The following FAM76A variants were observed in gnomAD, a reference collection of about 807,000 sequenced individuals.
The protein encoded by FAM76A is protein FAM76A.
A neutral mutation model predicts 46.2 loss-of-function variants in FAM76A; 32 were observed. The ratio of observed to expected loss-of-function variants is 0.69; its 90% confidence interval spans 0.52 to 0.93. The LOEUF is 0.93. Among genes scored for constraint, FAM76A ranks in the 40% least tolerant of loss-of-function variants. FAM76A has a pLI of 0.00. For synonymous variants in FAM76A, 137 were observed against 127.0 expected (o/e 1.08, Z -0.53); for missense variants, 274 against 361.5 (o/e 0.76, Z 1.96).
chr1:27,737,601 C>T (rs2088071674), intron 4 of FAM76A, among the ~76,000 whole-genome samples: 1 of 151,966 alleles, frequency 6.6e-6, no homozygotes, highest in African/African-American at 2.4e-5. Context: ...GCTGTAATCC[C>T]AGCACTTTGG....
At chr1:27,759,765 GGTTTTTTTTTTTT>G in intron 8 of FAM76A, 138 bp downstream of exon 8, 1 of 611,770 alleles carries the variant, frequency 1.6e-6, no homozygotes, top group South Asian at 2.2e-5. Context: ...CCCCCTTTTA[GGTTTTTTTTTTTT>G]GTTTTTTTTT....
At chr1:27,751,870 T>C (rs1383872872) in intron 6 of FAM76A, among the ~76,000 whole-genome samples, 1 of 140,150 alleles carries the variant, frequency 7.1e-6, no homozygotes, top group Non-Finnish European at 1.6e-5. Context: ...GTGGCGCAAT[T>C]ATGGCTCACT....
At chr1:27,750,731 A>G (rs951290483) in intron 6 of FAM76A, among the ~76,000 whole-genome samples, 5 of 152,184 alleles carry the variant, frequency 3.3e-5, no homozygotes, top group African/African-American at 1.2e-4. Context: ...GTCCATTGCT[A>G]TGGATACACC....
intron 7 of FAM76A, among the ~76,000 whole-genome samples, chr1:27,757,941 C>T (rs1394467829): frequency 2.7e-5 from 4 of 150,798 alleles, no homozygotes; most frequent in African/African-American, 9.8e-5. Context: ...CGTGCCACTG[C>T]ACTCCAGCCT....
chr1:27,726,013 G>GT lies in FAM76A; in HGVS notation c.-67dup, dbSNP rs1039791578. On this transcript the variant is annotated 5_prime_UTR_variant, in exon 1 of 9. Transcript: ENST00000373954. ...AGCAGCCTGCAGCCGCCGCCGGGTT[G>GT]TGCCTCAGACTGTCAGATAAATCGG... 7 of 1,191,310 alleles carry GT rather than the reference G, an allele frequency of 5.9e-6. No homozygotes were observed. Among genetic ancestry groups the GT allele is most frequent in the African/African-American group, 1.6e-5 (1 of 63,050 alleles). The allele number at this position is 1,191,310 out of a possible 1,614,324, so 73.8% of individuals were successfully genotyped here.
chr1:27,753,532 T>G (rs1357468769), intron 6 of FAM76A, among the ~76,000 whole-genome samples: 4 of 152,242 alleles, frequency 2.6e-5, no homozygotes, highest in Non-Finnish European at 5.9e-5. Flanking sequence ...TTTGCATTTA[T>G]TTTTGTTATG....
chr1:27,743,177 G>T (rs2088183833), intron 4 of FAM76A, among the ~76,000 whole-genome samples: 2 of 152,024 alleles, frequency 1.3e-5, no homozygotes, highest in Admixed American at 1.3e-4. Context: ...TTGAGAAAGG[G>T]TCTCGCTCTG....
At chr1:27,738,017 C>T (rs1198599107) in intron 4 of FAM76A, among the ~76,000 whole-genome samples, 1 of 151,510 alleles carries the variant, frequency 6.6e-6, no homozygotes, top group Non-Finnish European at 1.5e-5. Context: ...TATACCACTG[C>T]ACTGCAATGT....
At chr1:27,750,543 G>A (rs1045701328) in intron 6 of FAM76A, among the ~76,000 whole-genome samples, 5 of 152,154 alleles carry the variant, frequency 3.3e-5, no homozygotes, top group Non-Finnish European at 5.9e-5. Context: ...CTTTATAAAG[G>A]CCTAAGCCAA....
intron 7 of FAM76A, among the ~76,000 whole-genome samples, chr1:27,757,501 C>T (rs757329508): frequency 1.3e-4 from 20 of 152,154 alleles, no homozygotes; most frequent in Non-Finnish European, 2.5e-4. Flanking sequence ...CCGAGTAGCT[C>T]GGATTACAGG....
intron 1 of FAM76A, among the ~76,000 whole-genome samples, chr1:27,726,656 T>G (rs1445175453): frequency 1.3e-5 from 2 of 151,770 alleles, no homozygotes; most frequent in African/African-American, 2.4e-5. Context: ...AGCATCTCAC[T>G]TTTCGGCCAG....
At chr1:27,733,002 A>G (rs182489459) in intron 3 of FAM76A, among the ~76,000 whole-genome samples, 64 of 151,984 alleles carry the variant, frequency 4.2e-4, no homozygotes, top group African/African-American at 1.4e-3. Flanking sequence ...ATGGCAGTCA[A>G]GTTCACTGCA....
chr1:27,726,271 C>G, intron 1 of FAM76A, 110 bp downstream of exon 1: 1 of 1,015,056 alleles, frequency 9.9e-7, no homozygotes, highest in Non-Finnish European at 1.3e-6. Flanking sequence ...GTGTGGCAGG[C>G]CCGCCAGGCT....
intron 4 of FAM76A, among the ~76,000 whole-genome samples, chr1:27,738,458 C>T (rs969757481): frequency 1.7e-4 from 25 of 150,898 alleles, no homozygotes; most frequent in African/African-American, 5.9e-4. Context: ...GCCTGGGTGG[C>T]AGAGCAAGAC....
At chr1:27,728,482 A>G (rs1475883576) in intron 2 of FAM76A, among the ~76,000 whole-genome samples, 2 of 150,814 alleles carry the variant, frequency 1.3e-5, no homozygotes, top group Non-Finnish European at 3.0e-5. Flanking sequence ...CCTACCAAGT[A>G]ACTGGGACCA....
chr1:27,743,760 GT>G (rs1420398043), intron 4 of FAM76A, among the ~76,000 whole-genome samples: 2 of 149,886 alleles, frequency 1.3e-5, no homozygotes, highest in African/African-American at 5.0e-5. Context: ...GCAAGACCCT[GT>G]TTGGGGAAAA....
At chr1:27,758,522 G>C (rs2088453173) in intron 7 of FAM76A, among the ~76,000 whole-genome samples, 1 of 151,892 alleles carries the variant, frequency 6.6e-6, no homozygotes. Context: ...ATTTTTTTGA[G>C]ACAGGGTCTT....
intron 5 of FAM76A, among the ~76,000 whole-genome samples, chr1:27,746,745 TA>T (rs2088247502): frequency 6.6e-6 from 1 of 151,962 alleles, no homozygotes; most frequent in African/African-American, 2.4e-5. Flanking sequence ...ACAGCAACAA[TA>T]AAAAGAATCA....
intron 4 of FAM76A, chr1:27,740,462 G>A (rs963942778): frequency 6.8e-7 from 1 of 1,469,032 alleles, no homozygotes; most frequent in African/African-American, 1.4e-5. Flanking sequence ...TGGATAAGAG[G>A]TCGATGGTGG....
Sources: allele counts gnomAD v4.1 joint callset (sites outside exome capture counted in the v4.1 genomes callset), GRCh38; gene constraint gnomAD v4.1.1; transcripts MANE v1.5; gene names NCBI Gene and HGNC (gene_info 2026-07-23, HGNC 2026-07-21).